The following RHOU variants were observed in gnomAD, a reference collection of about 807,000 sequenced individuals.
RHOU encodes the protein rho-related GTP-binding protein RhoU.
Under a neutral mutation model 12.6 loss-of-function variants are expected in RHOU, and 8 were observed. The observed-to-expected ratio is 0.64, with a 90% CI of 0.37 to 1.15. The LOEUF (loss-of-function observed/expected upper bound fraction) is 1.15. Among genes scored for constraint, RHOU ranks in the 50% most tolerant of loss-of-function variants. The pLI is 0.01. For synonymous variants in RHOU, 161 were observed against 147.4 expected (o/e 1.09, Z -0.67); for missense variants, 258 against 347.0 (o/e 0.74, Z 2.04).
chr1:228,696,290 T>A, the RHOU span, among the ~76,000 whole-genome samples: 2 of 149,808 alleles, frequency 1.3e-5, no homozygotes, highest in African/African-American at 2.4e-5. Context: ...CTGCTTTACA[T>A]CCAAGGAGAA....
At chr1:228,711,130 T>C in the RHOU span, among the ~76,000 whole-genome samples, 152 of 151,546 alleles carry the variant, frequency 1.0e-3, 1 homozygote, top group Non-Finnish European at 1.8e-3. Context: ...CAAGGAGAAC[T>C]AAAAACCACT....
rs1476225634 is a variant in RHOU, at chr1:228,735,578, C to T, written c.-165C>T. ...GCGCGGAGCCACGACCCTCCCTGGC[C>T]GCCTTTGTCTACTGGCCGTGCGGCC... On this transcript the variant is annotated 5_prime_UTR_variant, in exon 1 of 3. Transcript: ENST00000366691. The surrounding 1 kb of genome is among the most constrained non-coding windows in gnomAD (Gnocchi z 8.1). 4.7e-6 allele frequency: 2 copies of T among 426,558 alleles called. No homozygotes were observed. Among genetic ancestry groups the T allele is most frequent in the East Asian group, 5.0e-5 (1 of 19,850 alleles). 26.4% of individuals were successfully genotyped at this position (426,558 alleles called of 1,614,324 possible). A position where few individuals can be genotyped will look rare whatever the true frequency, so the allele number is the denominator to read the frequency against.
the RHOU span, among the ~76,000 whole-genome samples, chr1:228,693,189 T>C: frequency 6.6e-6 from 1 of 152,142 alleles, no homozygotes; most frequent in African/African-American, 2.4e-5. Flanking sequence ...GTTGTGAAAA[T>C]AGGTACAAGG....
the RHOU span, among the ~76,000 whole-genome samples, chr1:228,671,447 T>A: frequency 6.6e-6 from 1 of 151,592 alleles, no homozygotes; most frequent in Non-Finnish European, 1.5e-5. Flanking sequence ...CCGGGGGTGG[T>A]GGGTCATGCC....
At chr1:228,707,448 C>G in the RHOU span, among the ~76,000 whole-genome samples, 3 of 151,224 alleles carry the variant, frequency 2.0e-5, no homozygotes, top group Non-Finnish European at 4.4e-5. Context: ...TCCCAGCACG[C>G]AGCTGGAGAT....
the RHOU span, among the ~76,000 whole-genome samples, chr1:228,707,126 A>ATATATATATATATATATG: frequency 3.3e-4 from 25 of 75,382 alleles, no homozygotes; most frequent in African/African-American, 3.6e-3. Context: ...ATATATATAT[A>ATATATATATATATATATG]CATATATATA....
At chr1:228,703,917 T>C in the RHOU span, among the ~76,000 whole-genome samples, 1 of 152,034 alleles carries the variant, frequency 6.6e-6, no homozygotes, top group Non-Finnish European at 1.5e-5. Context: ...CTAAATAAGA[T>C]AGCTACAAAG....
At position 228,736,124 on chromosome 1, in the gene RHOU, GC is replaced by G. The variant is rs1045686367; in HGVS notation, c.262+121del. 26 of 1,017,112 alleles carry G rather than the reference GC, an allele frequency of 2.6e-5. No individual in the cohort carries two copies. The African/African-American group carries it at 3.8e-4, about 15-fold the overall frequency. The allele number at this position is 1,017,112 out of a possible 1,614,324, so 63.0% of individuals were successfully genotyped here. ...CTGCAGGGCCCCGGGCGCGGCTCCA[GC>G]TGGGAAGCCGGACAAATGAGGAGTG... is the stretch of plus-strand genomic sequence containing the variant. On this transcript the variant is annotated intron_variant, in intron 1 of 2. Coordinates refer to ENST00000366691, the MANE Select transcript of RHOU (RefSeq NM_021205.6).
At position 228,743,187 on chromosome 1, in the gene RHOU, A is replaced by G; in HGVS notation, c.322-98A>G. 2 of 1,118,452 alleles carry G rather than the reference A, an allele frequency of 1.8e-6. No homozygotes were observed. Among genetic ancestry groups the G allele is most frequent in the Non-Finnish European group, 2.6e-6 (2 of 758,250 alleles). The allele number at this position is 1,118,452 out of a possible 1,614,324, so 69.3% of individuals were successfully genotyped here. A position where few individuals can be genotyped will look rare whatever the true frequency, so the allele number is the denominator to read the frequency against. On this transcript the variant is annotated intron_variant, in intron 2 of 2. Transcript: ENST00000366691. The surrounding 1 kb of genome is among the most constrained non-coding windows in gnomAD (Gnocchi z 5.1). ...TCCTTCTAGAACCAGCGGGTCTTCT[A>G]TCACCTGCCAGACCCTTTCATGAAA...
rs1488987508 is a variant in RHOU, at chr1:228,743,311, C to T, written c.348C>T (p.Leu116=). ...ATGAATTTGACAAGCTGAGGCCTCTCTGCTACACCAACACAGACATCTTCC... is the reference window on the plus strand; with the variant it reads ...ATGAATTTGACAAGCTGAGGCCTCTTTGCTACACCAACACAGACATCTTCC... ...GQDEFDKLRP[L]CYTNTDIFLL... Residue 116 remains leucine, a synonymous_variant, in exon 3 of 3, where the codon CTC becomes CTT. Coordinates refer to ENST00000366691, the MANE Select transcript of RHOU (RefSeq NM_021205.6). The surrounding 1 kb of genome is among the most constrained non-coding windows in gnomAD (Gnocchi z 5.1). The T allele has an allele frequency of 3.7e-6, 6 of 1,614,072 alleles. No individual in the cohort carries two copies. The highest frequency in any genetic ancestry group is 1.7e-5 in the Admixed American group (1 of 60,010).
the RHOU span, among the ~76,000 whole-genome samples, chr1:228,723,844 A>T: frequency 2.0e-5 from 3 of 151,938 alleles, no homozygotes; most frequent in Non-Finnish European, 2.9e-5. Context: ...CTATGGCCTC[A>T]CCTCCTGCCT....
At chr1:228,678,550 A>G in the RHOU span, among the ~76,000 whole-genome samples, 2 of 152,308 alleles carry the variant, frequency 1.3e-5, no homozygotes, top group Admixed American at 1.3e-4. Flanking sequence ...CGGCCTTAAG[A>G]AGAGTTTTTA....
chr1:228,682,101 A>G, the RHOU span, among the ~76,000 whole-genome samples: 1 of 152,196 alleles, frequency 6.6e-6, no homozygotes, highest in African/African-American at 2.4e-5. Flanking sequence ...CATGGATAAA[A>G]TGTGTCTCGT....
the RHOU span, among the ~76,000 whole-genome samples, chr1:228,676,633 T>C: frequency 6.6e-6 from 1 of 152,204 alleles, no homozygotes; most frequent in Non-Finnish European, 1.5e-5. Flanking sequence ...TTCACCTGGG[T>C]GCAGGCAGGC....
the RHOU span, among the ~76,000 whole-genome samples, chr1:228,708,938 G>A: frequency 6.6e-6 from 1 of 152,084 alleles, no homozygotes; most frequent in Non-Finnish European, 1.5e-5. Flanking sequence ...GACACACATA[G>A]GCTCAAAATA....
the RHOU span, among the ~76,000 whole-genome samples, chr1:228,719,273 T>C: frequency 6.6e-6 from 1 of 152,260 alleles, no homozygotes; most frequent in African/African-American, 2.4e-5. Context: ...ATCATTTACT[T>C]TGTGCCTTGA....
At chr1:228,722,488 C>T in the RHOU span, among the ~76,000 whole-genome samples, 1 of 152,202 alleles carries the variant, frequency 6.6e-6, no homozygotes, top group Non-Finnish European at 1.5e-5. Flanking sequence ...TCTTGGACAT[C>T]TCCCAGGCAA....
chr1:228,648,264 C>G, the RHOU span, among the ~76,000 whole-genome samples: 1 of 152,264 alleles, frequency 6.6e-6, no homozygotes, highest in Non-Finnish European at 1.5e-5. Flanking sequence ...AGGCCACTCG[C>G]TGGACCTCCG....
At chr1:228,718,016 G>C in the RHOU span, among the ~76,000 whole-genome samples, 1 of 152,146 alleles carries the variant, frequency 6.6e-6, no homozygotes, top group Non-Finnish European at 1.5e-5. Context: ...AGAACATTAT[G>C]TCTGTTCTTA....
Sources: allele counts gnomAD v4.1 joint callset (sites outside exome capture counted in the v4.1 genomes callset), GRCh38; gene constraint gnomAD v4.1.1; non-coding constraint Gnocchi (gnomAD v3.1); transcripts MANE v1.5; gene names NCBI Gene and HGNC (gene_info 2026-07-23, HGNC 2026-07-21).